The following WRN variants were observed in gnomAD, a reference collection of about 807,000 sequenced individuals.
WRN encodes bifunctional 3'-5' exonuclease/ATP-dependent helicase WRN.
Under a neutral mutation model 180.7 loss-of-function variants are expected in WRN, and 149 were observed. That is an observed-to-expected ratio of 0.82 (90% CI 0.72 to 0.94). WRN has a LOEUF of 0.94. WRN is among the 40% of genes least tolerant of loss of function. The pLI is 0.00. For synonymous variants in WRN, 548 were observed against 568.9 expected (o/e 0.96, Z 0.52); for missense variants, 1,661 against 1,700.1 (o/e 0.98, Z 0.40).
chr8:31,093,049 A>G (rs1300927234), intron 16 of WRN, among the ~76,000 whole-genome samples: 2 of 152,146 alleles, frequency 1.3e-5, no homozygotes, highest in African/African-American at 4.8e-5. Context: ...GGCTCAAGCT[A>G]TCCTCCTGCC....
At chr8:31,045,457 C>T (rs1213435254) in intron 1 of WRN, among the ~76,000 whole-genome samples, 1 of 150,482 alleles carries the variant, frequency 6.6e-6, no homozygotes, top group Non-Finnish European at 1.5e-5. Flanking sequence ...GGCTGGAGTG[C>T]AATGGCATGA....
At chr8:31,170,396 A>G (rs1208299804) in intron 34 of WRN, among the ~76,000 whole-genome samples, 1 of 152,050 alleles carries the variant, frequency 6.6e-6, no homozygotes, top group South Asian at 2.1e-4. Context: ...AAATTAAAAT[A>G]CACAATATTT....
chr8:31,041,358 G>A (rs1811649894), intron 1 of WRN, among the ~76,000 whole-genome samples: 1 of 152,026 alleles, frequency 6.6e-6, no homozygotes, highest in African/African-American at 2.4e-5. Context: ...TATTTATTCA[G>A]GCCTTCAACA....
At chr8:31,125,561 T>TATATATATATAC (rs1801897984) in intron 23 of WRN, among the ~76,000 whole-genome samples, 2 of 130,238 alleles carry the variant, frequency 1.5e-5, no homozygotes, top group Non-Finnish European at 1.6e-5. Context: ...TATATATATA[T>TATATATATATAC]ATATATATGG....
At chr8:31,109,271 T>C (rs2725334) in intron 18 of WRN, among the ~76,000 whole-genome samples, 149,973 of 152,326 alleles carry the variant, frequency 0.98, 73,884 homozygotes, top group East Asian at 1. Flanking sequence ...AGTACTAGCT[T>C]GTTTAGTAGT....
intron 23 of WRN, among the ~76,000 whole-genome samples, chr8:31,126,733 C>G (rs1446310455): frequency 6.6e-6 from 1 of 151,998 alleles, no homozygotes; most frequent in Non-Finnish European, 1.5e-5. Context: ...AACAAAGCAG[C>G]ATGCAGCATT....
At chr8:31,080,450 A>AC (rs1469357857) in intron 8 of WRN, among the ~76,000 whole-genome samples, 2 of 58,410 alleles carry the variant, frequency 3.4e-5, no homozygotes, top group Non-Finnish European at 7.2e-5. Flanking sequence ...TTTATCAAAC[A>AC]CCTTTTTTTT....
chr8:31,107,552 A>G lies in WRN; in HGVS notation c.2089-4063A>G, dbSNP rs141158714. Among the ~76,000 whole-genome samples the G allele has an allele frequency of 2.0e-5, 3 of 152,280 alleles. No individual in the cohort carries two copies. The East Asian group carries it at 5.8e-4, about 29-fold the overall frequency. Reference sequence around the variant, plus strand: ...AAACGTTTTTCCCCTGGTGTTTTCAAGAACCCTCTTTATTAGCTAAGTGGT... The same window carrying G: ...AAACGTTTTTCCCCTGGTGTTTTCAGGAACCCTCTTTATTAGCTAAGTGGT... On this transcript the variant is annotated intron_variant, in intron 18 of 34. Coordinates refer to ENST00000298139, the MANE Select transcript of WRN (RefSeq NM_000553.6).
intron 18 of WRN, among the ~76,000 whole-genome samples, chr8:31,104,329 T>C (rs1455503787): frequency 6.6e-6 from 1 of 152,214 alleles, no homozygotes; most frequent in East Asian, 1.9e-4. Context: ...GAACGTCTTT[T>C]CATATACTAA....
intron 34 of WRN, among the ~76,000 whole-genome samples, chr8:31,168,216 G>A (rs1454942950): frequency 6.6e-6 from 1 of 152,034 alleles, no homozygotes; most frequent in African/African-American, 2.4e-5. Context: ...AACTGAACTA[G>A]CTATAAGAGG....
At chr8:31,149,455 GTTTTTTTTTT>G (rs71208105) in intron 30 of WRN, among the ~76,000 whole-genome samples, 81 of 51,958 alleles carry the variant, frequency 1.6e-3, no homozygotes, top group East Asian at 7.5e-3. Flanking sequence ...TAATAGAGGT[GTTTTTTTTTT>G]TTTTTTTTTT....
rs1309789813 is a variant in WRN at position 31,174,868 on chromosome 8, CTTTCTTTCTT to C, written c.*1768_*1777del. On this transcript the variant is annotated 3_prime_UTR_variant, in exon 35 of 35. Coordinates refer to ENST00000298139, the MANE Select transcript of WRN (RefSeq NM_000553.6). ...CCCTCCCTCCTTTCTTTTTCTTTCT[CTTTCTTTCTT>C]TCTTTCTCTCTCTCTCTCTCTTTCT... Among the ~76,000 whole-genome samples, 1 of 121,564 alleles carries C rather than the reference CTTTCTTTCTT, an allele frequency of 8.2e-6. No homozygotes were observed. The highest frequency in any genetic ancestry group is 1.7e-5 in the Non-Finnish European group (1 of 59,432). 79.8% of individuals were successfully genotyped at this position (121,564 alleles called of 152,430 possible).
At chr8:31,088,459 A>T (rs888761019) in intron 12 of WRN, among the ~76,000 whole-genome samples, 1 of 152,188 alleles carries the variant, frequency 6.6e-6, no homozygotes, top group Non-Finnish European at 1.5e-5. Flanking sequence ...TGGTGTAACT[A>T]CATTTAGCTT....
intron 19 of WRN, among the ~76,000 whole-genome samples, chr8:31,112,609 C>T (rs758374801): frequency 6.6e-6 from 1 of 151,634 alleles, no homozygotes; most frequent in Non-Finnish European, 1.5e-5. Context: ...CTATTTGAGA[C>T]AGTGTCTTGC....
chr8:31,045,132 T>C (rs1334928312), intron 1 of WRN, among the ~76,000 whole-genome samples: 1 of 152,230 alleles, frequency 6.6e-6, no homozygotes, highest in African/African-American at 2.4e-5. Flanking sequence ...TTCTCAAAGA[T>C]AAGAAATGTC....
chr8:31,057,288 C>T (rs11574170), intron 1 of WRN, among the ~76,000 whole-genome samples: 6 of 151,900 alleles, frequency 3.9e-5, no homozygotes, highest in South Asian at 2.1e-4. Context: ...CCTCCTGGGC[C>T]GGGCGTGGTG....
chr8:31,155,583 C>T (rs1363792117), intron 32 of WRN, among the ~76,000 whole-genome samples: 1 of 145,618 alleles, frequency 6.9e-6, no homozygotes, highest in Non-Finnish European at 1.5e-5. Flanking sequence ...GATTGCGACA[C>T]TGCATTCCAA....
chr8:31,149,597 C>T (rs879895487), intron 30 of WRN, among the ~76,000 whole-genome samples: 5 of 148,480 alleles, frequency 3.4e-5, no homozygotes, highest in Non-Finnish European at 5.9e-5. Context: ...GCCTCAGCCT[C>T]CGGAATAGCT....
chr8:31,165,018 G>A (rs1484417954), intron 33 of WRN, among the ~76,000 whole-genome samples: 1 of 152,024 alleles, frequency 6.6e-6, no homozygotes, highest in Non-Finnish European at 1.5e-5. Flanking sequence ...ATATCTAGAA[G>A]TTAACTTTAT....
Sources: gnomAD v4.1 joint callset for allele counts (sites outside exome capture counted in the v4.1 genomes callset) on GRCh38, gnomAD v4.1.1 for gene constraint, MANE v1.5 for transcripts, NCBI Gene and HGNC (gene_info 2026-07-23, HGNC 2026-07-21) for gene names.